Variants in PPP2R2C observed in about 807,000 individuals in gnomAD.
The protein encoded by PPP2R2C is protein phosphatase 2 regulatory subunit Bgamma.
A neutral mutation model predicts 45.3 loss-of-function variants in PPP2R2C; 10 were observed. The ratio of observed to expected loss-of-function variants is 0.22; its 90% confidence interval spans 0.14 to 0.37. PPP2R2C has a LOEUF of 0.37. PPP2R2C is among the 10% of genes least tolerant of loss of function. The pLI is 1.00. For synonymous variants in PPP2R2C, 257 were observed against 245.4 expected, an observed-to-expected ratio of 1.05 and a Z score of -0.44; for missense variants, 308 against 619.7, an observed-to-expected ratio of 0.50 and a Z score of 5.34.
At chr4:6,463,662 G>A (rs1201921074) in intron 1 of PPP2R2C, among the ~76,000 whole-genome samples, 1 of 152,216 alleles carries the variant, frequency 6.6e-6, no homozygotes, top group Non-Finnish European at 1.5e-5. Context: ...ACTGTCAGGG[G>A]ACAAGTGTTA....
At chr4:6,449,336 C>G (rs2108744081) in intron 1 of PPP2R2C, among the ~76,000 whole-genome samples, 1 of 152,362 alleles carries the variant, frequency 6.6e-6, no homozygotes, top group East Asian at 1.9e-4. Flanking sequence ...CTGCAGAGAA[C>G]AGGCGCGTCT....
chr4:6,434,554 T>G (rs976155628), intron 1 of PPP2R2C, among the ~76,000 whole-genome samples: 1 of 152,028 alleles, frequency 6.6e-6, no homozygotes, highest in African/African-American at 2.4e-5. Context: ...AGATGGGGTT[T>G]CGTGATGCTG....
At chr4:6,369,866 T>C (rs58981643) in intron 5 of PPP2R2C, among the ~76,000 whole-genome samples, 17,636 of 152,122 alleles carry the variant, frequency 0.12, 2,360 homozygotes, top group African/African-American at 0.33. Flanking sequence ...AAGGGTTGAG[T>C]TTCTCCCATT....
chr4:6,461,789 G>C (rs1002601726), intron 1 of PPP2R2C, among the ~76,000 whole-genome samples: 2 of 152,234 alleles, frequency 1.3e-5, no homozygotes, highest in Non-Finnish European at 2.9e-5. Flanking sequence ...AGAAAGTGCT[G>C]GTCCTGCTGT....
chr4:6,538,060 G>A (rs1448122613), intron 1 of PPP2R2C, among the ~76,000 whole-genome samples: 1 of 152,128 alleles, frequency 6.6e-6, no homozygotes, highest in Non-Finnish European at 1.5e-5. Flanking sequence ...CAATAGGAAT[G>A]TACCGGATGC....
At chr4:6,326,492 T>C (rs1242866907) in intron 8 of PPP2R2C, among the ~76,000 whole-genome samples, 1 of 152,054 alleles carries the variant, frequency 6.6e-6, no homozygotes, top group Non-Finnish European at 1.5e-5. Flanking sequence ...TGAAGCCTGT[T>C]GTGGGAGGGC....
chr4:6,379,656 C>T (rs974218730), intron 2 of PPP2R2C, among the ~76,000 whole-genome samples: 2 of 152,246 alleles, frequency 1.3e-5, no homozygotes, highest in African/African-American at 4.8e-5. Flanking sequence ...GTGGGACACC[C>T]CACAGGTGCA....
chr4:6,410,762 G>T (rs1718116787), intron 1 of PPP2R2C, among the ~76,000 whole-genome samples: 2 of 152,100 alleles, frequency 1.3e-5, no homozygotes, highest in Non-Finnish European at 2.9e-5. Flanking sequence ...AACGTGTGCA[G>T]CGCCAAAGTC....
At chr4:6,327,220 G>A (rs1732014824) in intron 8 of PPP2R2C, among the ~76,000 whole-genome samples, 1 of 152,244 alleles carries the variant, frequency 6.6e-6, no homozygotes, top group South Asian at 2.1e-4. Flanking sequence ...CCCATTGCGG[G>A]AGGCAAACAA....
At chr4:6,522,344 G>A (rs116185544) in intron 2 of PPP2R2C, among the ~76,000 whole-genome samples, 78 of 152,324 alleles carry the variant, frequency 5.1e-4, no homozygotes, top group Middle Eastern at 3.4e-3. Flanking sequence ...GAGCACTCCC[G>A]GGCATTACCA....
chr4:6,325,788 G>A (rs1245879706), intron 8 of PPP2R2C, among the ~76,000 whole-genome samples: 1 of 152,158 alleles, frequency 6.6e-6, no homozygotes, highest in Non-Finnish European at 1.5e-5. Context: ...AAAGGGCAGG[G>A]GAGCTGCTTC....
At chr4:6,470,063 C>T (rs375402178) in intron 1 of PPP2R2C, among the ~76,000 whole-genome samples, 4 of 152,296 alleles carry the variant, frequency 2.6e-5, no homozygotes, top group Admixed American at 6.5e-5. Flanking sequence ...CAATGCATAG[C>T]TCTGAACGGC....
chr4:6,397,806 T>C (rs1486207582), intron 1 of PPP2R2C, among the ~76,000 whole-genome samples: 1 of 152,260 alleles, frequency 6.6e-6, no homozygotes, highest in Non-Finnish European at 1.5e-5. Flanking sequence ...AGCGAAAATA[T>C]GTTCCTGTTA....
intron 1 of PPP2R2C, among the ~76,000 whole-genome samples, chr4:6,419,580 G>T (rs929405503): frequency 4.6e-5 from 7 of 152,168 alleles, no homozygotes; most frequent in African/African-American, 1.7e-4. Context: ...TGCAAAAGAG[G>T]AGTATCAGGG....
intron 5 of PPP2R2C, chr4:6,348,896 C>G (rs1183672381): frequency 5.1e-6 from 4 of 779,620 alleles, no homozygotes; most frequent in Non-Finnish European, 4.7e-6. Context: ...GAGTCAAGAA[C>G]TTTGCTGCTT....
chr4:6,450,047 G>A (rs974211867), intron 1 of PPP2R2C, among the ~76,000 whole-genome samples: 3 of 152,198 alleles, frequency 2.0e-5, no homozygotes, highest in African/African-American at 7.2e-5. Flanking sequence ...AGCTTTGCGG[G>A]TTGCAGTTCC....
intron 1 of PPP2R2C, among the ~76,000 whole-genome samples, chr4:6,414,283 C>T (rs1236249051): frequency 2.0e-5 from 3 of 152,156 alleles, no homozygotes; most frequent in South Asian, 4.1e-4. Flanking sequence ...CCCTGCATTA[C>T]TTCCTACATG....
Position 6,544,580 on chromosome 4 carries a change from T to C in PPP2R2C, c.-58-9203A>G, listed in dbSNP as rs141177037. The stretch of plus-strand genomic sequence containing the variant: ...TCTAACTCCTGGCCTCAAGTGATCC[T>C]CCTGCCTCAGCCTCCCAACGTGCTG... On this transcript the variant is annotated intron_variant, in intron 1 of 9. Coordinates refer to the PPP2R2C transcript ENST00000506140. 2.5e-3 allele frequency among the ~76,000 whole-genome samples: 376 copies of C among 152,246 alleles called. 1 individual carries two copies. Among genetic ancestry groups the C allele is most frequent in the African/African-American group, 8.5e-3 (355 of 41,550 alleles).
At chr4:6,466,641 T>A (rs1303955632) in intron 1 of PPP2R2C, among the ~76,000 whole-genome samples, 1 of 152,070 alleles carries the variant, frequency 6.6e-6, no homozygotes, top group African/African-American at 2.4e-5. Flanking sequence ...CATCACACTC[T>A]CCATGGAGCC....
Sources: gnomAD v4.1 joint callset for allele counts (sites outside exome capture counted in the v4.1 genomes callset) on GRCh38, gnomAD v4.1.1 for gene constraint, MANE v1.5 for transcripts, NCBI Gene and HGNC (gene_info 2026-07-23, HGNC 2026-07-21) for gene names.